The following GRM7 variants were observed in gnomAD, a reference collection of about 807,000 sequenced individuals.
GRM7 encodes glutamate metabotropic receptor 7.
In GRM7, 35 loss-of-function variants were observed where a neutral mutation model predicts 84.5. That is an observed-to-expected ratio of 0.41 (90% confidence interval 0.32 to 0.55). The LOEUF (loss-of-function observed/expected upper bound fraction) is 0.55. Ranked by LOEUF, GRM7 falls within the 20% of genes least tolerant of loss-of-function variation. The pLI, the probability that GRM7 is intolerant of heterozygous loss-of-function variation, is 0.19. For missense variants in GRM7, 1,003 were observed against 1,194.6 expected (o/e 0.84, Z 2.36); for synonymous variants, 487 against 455.1 (o/e 1.07, Z -0.89).
At chr3:7,292,584 C>A (rs1295404968) in intron 2 of GRM7, among the ~76,000 whole-genome samples, 2 of 152,122 alleles carry the variant, frequency 1.3e-5, no homozygotes, top group Non-Finnish European at 2.9e-5. Flanking sequence ...AGACAGAACT[C>A]ATGAGACCCA....
chr3:7,556,080 A>G (rs1357728634), intron 7 of GRM7, among the ~76,000 whole-genome samples: 1 of 152,172 alleles, frequency 6.6e-6, no homozygotes, highest in Non-Finnish European at 1.5e-5. Flanking sequence ...TTCTCACAGA[A>G]GTCCAAGATC....
intron 1 of GRM7, among the ~76,000 whole-genome samples, chr3:7,131,159 C>T (rs1405415736): frequency 2.6e-5 from 4 of 152,158 alleles, no homozygotes; most frequent in Non-Finnish European, 5.9e-5. Flanking sequence ...CTTCTTCCAC[C>T]AAGATCTGTG....
chr3:7,009,299 G>A (rs1269819755), intron 1 of GRM7, among the ~76,000 whole-genome samples: 2 of 151,996 alleles, frequency 1.3e-5, no homozygotes, highest in African/African-American at 4.8e-5. Context: ...AGTATTTCTT[G>A]GGTGCCAAAT....
intron 1 of GRM7, among the ~76,000 whole-genome samples, chr3:7,052,944 T>C (rs1697062811): frequency 6.6e-6 from 1 of 151,434 alleles, no homozygotes; most frequent in Admixed American, 6.6e-5. Context: ...TGTAAGGGTA[T>C]GTTTAACTTC....
chr3:7,256,329 G>A (rs1161605355), intron 2 of GRM7, among the ~76,000 whole-genome samples: 2 of 152,008 alleles, frequency 1.3e-5, no homozygotes, highest in Non-Finnish European at 2.9e-5. Context: ...ATGTCCATTA[G>A]GTGTTCAATA....
chr3:7,050,671 G>A (rs1053729106), intron 1 of GRM7, among the ~76,000 whole-genome samples: 1 of 151,870 alleles, frequency 6.6e-6, no homozygotes, highest in Non-Finnish European at 1.5e-5. Flanking sequence ...CAGGGAAGTG[G>A]GGAGCCACAA....
intron 7 of GRM7, among the ~76,000 whole-genome samples, chr3:7,569,850 T>C (rs900382885): frequency 7.2e-5 from 11 of 151,740 alleles, no homozygotes; most frequent in Admixed American, 7.2e-4. Flanking sequence ...TCTGAACACA[T>C]CCAAATATCA....
chr3:7,618,988 G>C (rs904838056), intron 8 of GRM7, among the ~76,000 whole-genome samples: 19 of 152,126 alleles, frequency 1.2e-4, no homozygotes, highest in African/African-American at 4.3e-4. Context: ...TCAGAAAATA[G>C]TTCTATCTTT....
At chr3:7,029,698 G>T (rs1318406801) in intron 1 of GRM7, among the ~76,000 whole-genome samples, 3 of 152,184 alleles carry the variant, frequency 2.0e-5, no homozygotes, top group Non-Finnish European at 2.9e-5. Flanking sequence ...GCTGGAGGCT[G>T]GAGGTAGGGA....
chr3:7,373,597 AG>A, intron 4 of GRM7, among the ~76,000 whole-genome samples: 1 of 152,298 alleles, frequency 6.6e-6, no homozygotes, highest in South Asian at 2.1e-4. Flanking sequence ...CCTTGTTTTA[AG>A]GTGGAACTTT....
At chr3:7,716,704 T>C (rs1355515455) in intron 9 of GRM7, among the ~76,000 whole-genome samples, 2 of 152,198 alleles carry the variant, frequency 1.3e-5, no homozygotes, top group African/African-American at 4.8e-5. Flanking sequence ...TTTGTTTTTA[T>C]GGTTGGCTCT....
chr3:7,142,430 C>T (rs554358786), intron 1 of GRM7, among the ~76,000 whole-genome samples: 1 of 152,076 alleles, frequency 6.6e-6, no homozygotes, highest in Admixed American at 6.6e-5. Context: ...GGAAGCAGGG[C>T]ACCTTCTTCA....
intron 1 of GRM7, among the ~76,000 whole-genome samples, chr3:6,991,275 T>C (rs1020155404): frequency 6.6e-6 from 1 of 152,196 alleles, no homozygotes; most frequent in Non-Finnish European, 1.5e-5. Flanking sequence ...CCACGTAAAC[T>C]TGCTCTTCCT....
chr3:7,652,252 C>G (rs1698978685), intron 8 of GRM7, among the ~76,000 whole-genome samples: 1 of 152,114 alleles, frequency 6.6e-6, no homozygotes, highest in Non-Finnish European at 1.5e-5. Flanking sequence ...AAAAACAGGA[C>G]CGTCCATGGC....
rs570521260 is a variant in GRM7, at chr3:7,200,266, A to G, written c.736+53598A>G. Among the ~76,000 whole-genome samples the G allele has an allele frequency of 3.9e-5, 6 of 152,284 alleles. No individual in the cohort carries two copies. In the East Asian group the frequency reaches 1.2e-3, roughly 29 times the overall value. ...ACCTCCTAACACTGCCACATTGGGGATCAAATTTCAGCATGACTTTTGATG... is the reference window on the plus strand; with the variant it reads ...ACCTCCTAACACTGCCACATTGGGGGTCAAATTTCAGCATGACTTTTGATG... On this transcript the variant is annotated intron_variant, in intron 2 of 9. Transcript: ENST00000357716.
At chr3:7,420,333 T>C (rs1373580314) in intron 5 of GRM7, among the ~76,000 whole-genome samples, 1 of 152,194 alleles carries the variant, frequency 6.6e-6, no homozygotes, top group Non-Finnish European at 1.5e-5. Flanking sequence ...GACCTTTAAT[T>C]GTCACAAAGA....
At chr3:7,548,335 G>A (rs1362927686) in intron 7 of GRM7, among the ~76,000 whole-genome samples, 1 of 152,148 alleles carries the variant, frequency 6.6e-6, no homozygotes, top group Non-Finnish European at 1.5e-5. Context: ...CTCCAGCTCC[G>A]CTTTGCCTTC....
intron 1 of GRM7, among the ~76,000 whole-genome samples, chr3:7,140,843 G>A (rs1410064902): frequency 3.3e-5 from 5 of 151,884 alleles, no homozygotes; most frequent in Admixed American, 2.0e-4. Flanking sequence ...GGGTCCCCAC[G>A]GTATTTTTGA....
In GRM7 at chr3:6,861,185, C is replaced by G. The variant is rs901988926; in HGVS notation, c.-204C>G. On this transcript the variant is annotated 5_prime_UTR_variant, in exon 1 of 10. Transcript: ENST00000357716. The surrounding 1 kb of genome is among the most constrained non-coding windows in gnomAD (Gnocchi z 6.4). ...AGCGCGGCGCGCCGGCCGGCTAACC[C>G]GAGAGCGCGAGGCGCCCCAGGCTGG... The G allele has an allele frequency of 4.4e-6, 2 of 453,030 alleles. No homozygotes were observed. Among genetic ancestry groups the G allele is most frequent in the African/African-American group, 4.1e-5 (2 of 48,578 alleles). The allele number at this position is 453,030 out of a possible 1,614,324, so 28.1% of individuals were successfully genotyped here.
Sources: allele counts gnomAD v4.1 joint callset (sites outside exome capture counted in the v4.1 genomes callset), GRCh38; gene constraint gnomAD v4.1.1; non-coding constraint Gnocchi (gnomAD v3.1); transcripts MANE v1.5; gene names NCBI Gene and HGNC (gene_info 2026-07-23, HGNC 2026-07-21).